Variants in THSD7A observed in about 807,000 individuals in gnomAD.
The protein encoded by THSD7A is thrombospondin type-1 domain-containing protein 7A.
A neutral mutation model predicts 231.3 loss-of-function variants in THSD7A; 96 were observed. That is an observed-to-expected ratio of 0.41 (90% CI 0.35 to 0.49). THSD7A has a LOEUF of 0.49. Ranked by LOEUF, THSD7A falls within the 20% of genes least tolerant of loss-of-function variation. The pLI, the probability that THSD7A is intolerant of heterozygous loss-of-function variation, is 0.05. For synonymous variants in THSD7A, 940 were observed against 743.3 expected (o/e 1.26, Z -4.30); for missense variants, 2,290 against 2,070.2 (o/e 1.11, Z -2.06).
At chr7:11,680,171 C>T (rs1276078050) in intron 1 of THSD7A, among the ~76,000 whole-genome samples, 4 of 151,960 alleles carry the variant, frequency 2.6e-5, no homozygotes, top group Non-Finnish European at 5.9e-5. Context: ...AAAGTGGACC[C>T]CTTCCTTACA....
intron 6 of THSD7A, among the ~76,000 whole-genome samples, chr7:11,517,913 C>T (rs1194942394): frequency 6.6e-6 from 1 of 152,146 alleles, no homozygotes; most frequent in Non-Finnish European, 1.5e-5. Context: ...ATGTGGAGAA[C>T]ACTGGGCAAG....
intron 10 of THSD7A, 80 bp from the exon 11 acceptor site, chr7:11,460,845 T>C: frequency 2.6e-6 from 3 of 1,148,796 alleles, no homozygotes; most frequent in Non-Finnish European, 3.8e-6. Flanking sequence ...CATGGAAACA[T>C]GACTTTGACC....
intron 26 of THSD7A, chr7:11,378,840 C>T (rs1268177136): frequency 1.6e-5 from 8 of 507,728 alleles, no homozygotes; most frequent in South Asian, 5.7e-5. Context: ...TTATATTGAT[C>T]CAAAATTTTT....
In THSD7A at chr7:11,829,757, C is replaced by T. The variant is rs570292016; in HGVS notation, c.190+2000G>A. On this transcript the variant is annotated intron_variant, in intron 1 of 27. Coordinates refer to ENST00000423059, the MANE Select transcript of THSD7A (RefSeq NM_015204.3). ...TATTCTCTAGTTCTTTTGAGAACTA[C>T]GTTCAACTCCTTTACAGATATATTA... Among the ~76,000 whole-genome samples the T allele has an allele frequency of 9.9e-5, 15 of 151,304 alleles. No homozygotes were observed. In the South Asian group the frequency reaches 1.5e-3, roughly 15 times the overall value.
At chr7:11,613,137 G>T (rs976381966) in intron 2 of THSD7A, among the ~76,000 whole-genome samples, 1 of 152,166 alleles carries the variant, frequency 6.6e-6, no homozygotes, top group African/African-American at 2.4e-5. Context: ...TAAAAATTCA[G>T]GGGATTCCCA....
chr7:11,658,217 CTTTTT>C (rs769050949), intron 1 of THSD7A, among the ~76,000 whole-genome samples: 1 of 151,812 alleles, frequency 6.6e-6, no homozygotes, highest in Non-Finnish European at 1.5e-5. Context: ...GTGACTATTT[CTTTTT>C]AAGAGAGAGT....
intron 2 of THSD7A, among the ~76,000 whole-genome samples, chr7:11,625,711 CA>C (rs1319745363): frequency 6.6e-5 from 10 of 152,074 alleles, no homozygotes; most frequent in African/African-American, 1.7e-4. Context: ...GTTATACAAA[CA>C]AACAATGCAT....
At chr7:11,816,461 A>G (rs1437799142) in intron 1 of THSD7A, among the ~76,000 whole-genome samples, 2 of 152,224 alleles carry the variant, frequency 1.3e-5, no homozygotes, top group African/African-American at 4.8e-5. Flanking sequence ...AATAGTGTTC[A>G]TGGATATGCT....
chr7:11,635,422 T>C (rs1350970744), intron 2 of THSD7A, among the ~76,000 whole-genome samples: 1 of 152,152 alleles, frequency 6.6e-6, no homozygotes, highest in Non-Finnish European at 1.5e-5. Flanking sequence ...TCAATGAAAA[T>C]TATTTTCACA....
chr7:11,631,427 T>C (rs2128357953), intron 2 of THSD7A, among the ~76,000 whole-genome samples: 1 of 152,280 alleles, frequency 6.6e-6, no homozygotes, highest in South Asian at 2.1e-4. Context: ...AACTGCATGA[T>C]TTTGTCTATG....
chr7:11,817,780 AAGAC>A (rs1323900732), intron 1 of THSD7A, among the ~76,000 whole-genome samples: 2 of 152,170 alleles, frequency 1.3e-5, no homozygotes, highest in Admixed American at 1.3e-4. Context: ...TACAAAATAA[AAGAC>A]AGAGATTAGA....
chr7:11,497,883 G>C (rs915927502), intron 6 of THSD7A, among the ~76,000 whole-genome samples: 1 of 152,128 alleles, frequency 6.6e-6, no homozygotes, highest in Non-Finnish European at 1.5e-5. Context: ...CCCCTGCCCA[G>C]GGAAGTGATG....
At chr7:11,753,137 T>C (rs1039756998) in intron 1 of THSD7A, among the ~76,000 whole-genome samples, 10 of 152,228 alleles carry the variant, frequency 6.6e-5, no homozygotes, top group Admixed American at 6.5e-4. Context: ...AAAATATCTA[T>C]TTATATATCA....
At chr7:11,638,236 T>G (rs1384491634) in intron 1 of THSD7A, among the ~76,000 whole-genome samples, 8 of 152,230 alleles carry the variant, frequency 5.3e-5, no homozygotes, top group Admixed American at 3.3e-4. Flanking sequence ...GGATTCGCTC[T>G]ACGGATGAGA....
At chr7:11,573,091 G>A (rs1040433755) in intron 4 of THSD7A, among the ~76,000 whole-genome samples, 1 of 152,094 alleles carries the variant, frequency 6.6e-6, no homozygotes, top group Non-Finnish European at 1.5e-5. Flanking sequence ...GTGACAGTGT[G>A]GACCTTCTGG....
rs1355526934 is a variant in THSD7A at position 11,634,357 on chromosome 7, C to G, written c.1022+1773G>C. ...AATGGTAGCTACTAACCTAATTACA[C>G]TTTTAATTGAGTAGTCAACGTTAAA... On this transcript the variant is annotated intron_variant, in intron 2 of 27. Transcript: ENST00000423059. This position sits in a 1 kb window ranked among gnomAD's most constrained non-coding sequence, Gnocchi z 4.1. Among the ~76,000 whole-genome samples, 1 of 152,130 alleles carries G rather than the reference C, an allele frequency of 6.6e-6. No individual in the cohort carries two copies. The highest frequency in any genetic ancestry group is 1.5e-5 in the Non-Finnish European group (1 of 68,020).
chr7:11,703,731 T>C (rs1033653370), intron 1 of THSD7A, among the ~76,000 whole-genome samples: 1 of 151,260 alleles, frequency 6.6e-6, no homozygotes, highest in Admixed American at 6.6e-5. Flanking sequence ...AAACCCATTA[T>C]ATATTTCTAA....
intron 1 of THSD7A, among the ~76,000 whole-genome samples, chr7:11,804,662 T>C (rs11983941): frequency 0.015 from 2,299 of 152,300 alleles, 65 homozygotes; most frequent in African/African-American, 0.053. Context: ...TTTCTATTCC[T>C]AGCTAATGAT....
intron 1 of THSD7A, among the ~76,000 whole-genome samples, chr7:11,651,423 T>C (rs1156304994): frequency 6.6e-6 from 1 of 152,048 alleles, no homozygotes; most frequent in African/African-American, 2.4e-5. Context: ...TTAGAAATGG[T>C]CAAAATAGTA....
Sources: gnomAD v4.1 joint callset for allele counts (sites outside exome capture counted in the v4.1 genomes callset) on GRCh38, gnomAD v4.1.1 for gene constraint, Gnocchi (gnomAD v3.1) non-coding constraint, MANE v1.5 for transcripts, NCBI Gene and HGNC (gene_info 2026-07-23, HGNC 2026-07-21) for gene names.